Variants in KIRREL3 observed in about 807,000 individuals in gnomAD.
KIRREL3 encodes kirre like nephrin family adhesion molecule 3, also known as kin of IRRE-like protein 3.
In KIRREL3, 36 loss-of-function variants were observed where a neutral mutation model predicts 89.7. The ratio of observed to expected loss-of-function variants is 0.40; its 90% CI spans 0.31 to 0.53. The LOEUF (loss-of-function observed/expected upper bound fraction) is 0.53. KIRREL3 is among the 20% of genes least tolerant of loss of function. The pLI is 0.49. For synonymous variants in KIRREL3, 445 were observed against 441.4 expected (o/e 1.01, Z -0.10); for missense variants, 864 against 1,056.6 (o/e 0.82, Z 2.53).
rs189334202 is a variant in KIRREL3, at chr11:126,940,055, C to A, written c.55+60400G>T. Among the ~76,000 whole-genome samples the A allele has an allele frequency of 8.5e-5, 13 of 152,314 alleles. No individual in the cohort carries two copies. The highest frequency in any genetic ancestry group is 1.8e-4 in the Non-Finnish European group (12 of 68,034). On this transcript the variant is annotated intron_variant, in intron 1 of 16. Coordinates refer to ENST00000525144, the MANE Select transcript of KIRREL3 (RefSeq NM_032531.4). The surrounding 1 kb of genome is among the most constrained non-coding windows in gnomAD (Gnocchi z 4.6). ...AGCTACAGGCTTTCCCAGAGCCCAT[C>A]TCTGGGGATAAAATGGACTCATTTA...
rs1445048249 is a variant in KIRREL3, at chr11:126,755,650, C to T, written c.56-192738G>A. ...TTCCCTGAGTGCCTGTACACCCCCG[C>T]CCCCAATTCTTGTTGCCAGAGAGCC... On this transcript the variant is annotated intron_variant, in intron 1 of 16. Coordinates refer to ENST00000525144, the MANE Select transcript of KIRREL3 (RefSeq NM_032531.4). This position sits in a 1 kb window ranked among gnomAD's most constrained non-coding sequence, Gnocchi z 4.3. Among the ~76,000 whole-genome samples, 3 of 152,142 alleles carry T rather than the reference C, an allele frequency of 2.0e-5. No homozygotes were observed. Among genetic ancestry groups the T allele is most frequent in the Non-Finnish European group, 2.9e-5 (2 of 68,026 alleles).
intron 1 of KIRREL3, among the ~76,000 whole-genome samples, chr11:126,914,508 G>A (rs771035355): frequency 6.6e-6 from 1 of 152,216 alleles, no homozygotes; most frequent in Non-Finnish European, 1.5e-5. Context: ...GGAATATACT[G>A]GCTGGGATGG....
At chr11:126,450,286 C>T (rs917839036) in intron 7 of KIRREL3, among the ~76,000 whole-genome samples, 7 of 141,830 alleles carry the variant, frequency 4.9e-5, no homozygotes, top group Non-Finnish European at 1.1e-4. Flanking sequence ...TGAGCATGTG[C>T]GTGTGTGCAT....
intron 1 of KIRREL3, among the ~76,000 whole-genome samples, chr11:126,767,247 C>G (rs1020333221): frequency 1.1e-4 from 16 of 152,198 alleles, no homozygotes; most frequent in African/African-American, 3.1e-4. Flanking sequence ...CAGAGGAGCT[C>G]TTGGAAAGGC....
At position 126,981,648 on chromosome 11, in the gene KIRREL3, G is replaced by C. The variant is rs1949722247; in HGVS notation, c.55+18807C>G. On this transcript the variant is annotated intron_variant, in intron 1 of 16. Coordinates refer to ENST00000525144, the MANE Select transcript of KIRREL3 (RefSeq NM_032531.4). The surrounding 1 kb of genome is among the most constrained non-coding windows in gnomAD (Gnocchi z 4.2). ...GTTAAAACCACACATTTGGGTGTCG[G>C]AGGAGGTCTCAGCCACACATGCTCA... 6.6e-6 allele frequency among the ~76,000 whole-genome samples: 1 copy of C among 152,206 alleles called. No homozygotes were observed. Among genetic ancestry groups the C allele is most frequent in the Non-Finnish European group, 1.5e-5 (1 of 68,042 alleles).
rs569539712 is a variant in KIRREL3, at chr11:126,808,392, C to G, written c.55+192063G>C. On this transcript the variant is annotated intron_variant, in intron 1 of 16. Coordinates refer to ENST00000525144, the MANE Select transcript of KIRREL3 (RefSeq NM_032531.4). This position sits in a 1 kb window ranked among gnomAD's most constrained non-coding sequence, Gnocchi z 4.1. ...GTCCTTGCTCCAGGGCTAACTCCCC[C>G]TCCCCTGCCCAATGTGGTGGGAGGG... 1.3e-5 allele frequency among the ~76,000 whole-genome samples: 2 copies of G among 152,182 alleles called. No homozygotes were observed. The highest frequency in any genetic ancestry group is 2.9e-5 in the Non-Finnish European group (2 of 68,034).
intron 1 of KIRREL3, chr11:126,681,885 G>T (rs1467057211): frequency 2.2e-6 from 1 of 455,306 alleles, no homozygotes; most frequent in African/African-American, 2.0e-5. Flanking sequence ...CAAATCAAAT[G>T]TACGTTTAGG....
At position 126,860,837 on chromosome 11, in the gene KIRREL3, T is replaced by C. The variant is rs1334939960; in HGVS notation, c.55+139618A>G. 6.6e-6 allele frequency among the ~76,000 whole-genome samples: 1 copy of C among 152,096 alleles called. No homozygotes were observed. The highest frequency in any genetic ancestry group is 1.9e-4 in the East Asian group (1 of 5,176). On this transcript the variant is annotated intron_variant, in intron 1 of 16. Coordinates refer to ENST00000525144, the MANE Select transcript of KIRREL3 (RefSeq NM_032531.4). The surrounding 1 kb of genome is among the most constrained non-coding windows in gnomAD (Gnocchi z 4.6). ...ATGCAAGATGGCACCCGTGGACACA[T>C]TGAAAGTTTAGTGATCCTACACTTG...
intron 1 of KIRREL3, among the ~76,000 whole-genome samples, chr11:126,679,871 G>T (rs527418740): frequency 6.6e-6 from 1 of 152,276 alleles, no homozygotes; most frequent in Non-Finnish European, 1.5e-5. Flanking sequence ...TGTATGAAGG[G>T]AAAAGGTCCC....
At position 126,501,272 on chromosome 11, in the gene KIRREL3, G is replaced by C. The variant is rs544098905; in HGVS notation, c.433+20043C>G. On this transcript the variant is annotated intron_variant, in intron 4 of 16. Transcript: ENST00000525144. This position sits in a 1 kb window ranked among gnomAD's most constrained non-coding sequence, Gnocchi z 5.8. ...CAAACCCAGGAGTCAGCCTGGCTCT[G>C]GCCCTAGCTTGAACGCCTCGGTTGT... 2.6e-5 allele frequency among the ~76,000 whole-genome samples: 4 copies of C among 152,344 alleles called. No homozygotes were observed. The South Asian group carries it at 8.3e-4, about 32-fold the overall frequency.
At chr11:126,864,168 T>A (rs1206986298) in intron 1 of KIRREL3, among the ~76,000 whole-genome samples, 1 of 152,226 alleles carries the variant, frequency 6.6e-6, no homozygotes, top group Non-Finnish European at 1.5e-5. Context: ...CTATTTTTCA[T>A]GTGAAGTGGA....
At position 126,561,904 on chromosome 11, in the gene KIRREL3, G is replaced by C. The variant is rs1338961327; in HGVS notation, c.133+931C>G. Among the ~76,000 whole-genome samples the C allele has an allele frequency of 1.3e-5, 2 of 152,186 alleles. No homozygotes were observed. The highest frequency in any genetic ancestry group is 2.9e-5 in the Non-Finnish European group (2 of 68,016). On this transcript the variant is annotated intron_variant, in intron 2 of 16. Transcript: ENST00000525144. The surrounding 1 kb of genome is among the most constrained non-coding windows in gnomAD (Gnocchi z 4.5). ...GAGGAGCTTGGAAAGAGGGCACTGA[G>C]ACCATGCTATGGGGATAGAGATGGT...
rs1946694768 is a variant in KIRREL3, at chr11:126,687,124, T to C, written c.56-124212A>G. ...GTCTAAGAAGGCTCAAGTTCATGAA[T>C]GGGTGCATCAAAGAACCACACCCCA... is the stretch of plus-strand genomic sequence containing the variant. On this transcript the variant is annotated intron_variant, in intron 1 of 16. Coordinates refer to ENST00000525144, the MANE Select transcript of KIRREL3 (RefSeq NM_032531.4). This position sits in a 1 kb window ranked among gnomAD's most constrained non-coding sequence, Gnocchi z 4.6. 6.6e-6 allele frequency among the ~76,000 whole-genome samples: 1 copy of C among 152,144 alleles called. No homozygotes were observed. The highest frequency in any genetic ancestry group is 6.5e-5 in the Admixed American group (1 of 15,276).
chr11:126,865,310 C>G (rs1231986306), intron 1 of KIRREL3, among the ~76,000 whole-genome samples: 1 of 152,242 alleles, frequency 6.6e-6, no homozygotes, highest in African/African-American at 2.4e-5. Flanking sequence ...TAAGAAGGCT[C>G]TCAGTCTATT....
rs192352718 is a variant in KIRREL3, at chr11:126,537,472, G to T, written c.134-10785C>A. On this transcript the variant is annotated intron_variant, in intron 2 of 16. Transcript: ENST00000525144. The surrounding 1 kb of genome is among the most constrained non-coding windows in gnomAD (Gnocchi z 4.3). Reference sequence around the variant, plus strand: ...GAGGAGGAATCATAATATGGGGAAAGTAATGGAGGAGAAATGTCATTCTGG... The same window carrying T: ...GAGGAGGAATCATAATATGGGGAAATTAATGGAGGAGAAATGTCATTCTGG... Among the ~76,000 whole-genome samples the T allele has an allele frequency of 3.0e-4, 45 of 152,276 alleles. No homozygotes were observed. The highest frequency in any genetic ancestry group is 3.9e-4 in the Admixed American group (6 of 15,296).
intron 11 of KIRREL3, among the ~76,000 whole-genome samples, chr11:126,438,114 T>G (rs759474585): frequency 6.6e-6 from 1 of 152,268 alleles, no homozygotes. Flanking sequence ...CCTGTTGGCC[T>G]GCGCACTGCG....
chr11:126,465,811 G>T (rs1956704076), intron 5 of KIRREL3, among the ~76,000 whole-genome samples: 1 of 152,148 alleles, frequency 6.6e-6, no homozygotes, highest in Non-Finnish European at 1.5e-5. Flanking sequence ...GGGAGCAGCA[G>T]CTGGCACCGC....
chr11:126,756,091 T>C (rs1949490884), intron 1 of KIRREL3, among the ~76,000 whole-genome samples: 1 of 152,192 alleles, frequency 6.6e-6, no homozygotes, highest in Non-Finnish European at 1.5e-5. Flanking sequence ...TAATCACCGA[T>C]TATGTATTTG....
At chr11:126,910,109 C>A (rs1325449214) in intron 1 of KIRREL3, among the ~76,000 whole-genome samples, 1 of 152,074 alleles carries the variant, frequency 6.6e-6, no homozygotes, top group African/African-American at 2.4e-5. Context: ...CTATTTTTTT[C>A]TTTACAGTGT....
Sources: allele counts gnomAD v4.1 joint callset (sites outside exome capture counted in the v4.1 genomes callset), GRCh38; gene constraint gnomAD v4.1.1; non-coding constraint Gnocchi (gnomAD v3.1); transcripts MANE v1.5; gene names NCBI Gene and HGNC (gene_info 2026-07-23, HGNC 2026-07-21).